COL15A1: variants seen among roughly 807,000 people sequenced by gnomAD.
COL15A1 encodes collagen type XV alpha 1 chain.
A neutral mutation model predicts 165.9 loss-of-function variants in COL15A1; 111 were observed. The observed-to-expected ratio is 0.67, with a 90% confidence interval of 0.57 to 0.78. The LOEUF is 0.78. Ranked by LOEUF, COL15A1 falls within the 30% of genes least tolerant of loss-of-function variation. The pLI, the probability that COL15A1 is intolerant of heterozygous loss-of-function variation, is 0.00. For missense variants in COL15A1, 1,745 were observed against 1,789.7 expected (o/e 0.98, Z 0.45); for synonymous variants, 659 against 674.8 (o/e 0.98, Z 0.36).
intron 2 of COL15A1, among the ~76,000 whole-genome samples, chr9:98,967,419 G>A (rs569846605): frequency 6.6e-6 from 1 of 152,300 alleles, no homozygotes; most frequent in Admixed American, 6.5e-5. Context: ...GAGTGCCCAA[G>A]CCTCTCTACA....
intron 2 of COL15A1, among the ~76,000 whole-genome samples, chr9:98,965,260 A>C (rs1359080264): frequency 6.6e-6 from 1 of 152,188 alleles, no homozygotes; most frequent in Non-Finnish European, 1.5e-5. Context: ...CTGTTGCATA[A>C]ATTTTAGTCT....
Position 99,063,046 on chromosome 9 carries a change from A to G in COL15A1, c.3592-4A>G, listed in dbSNP as rs746770969. ...ACTGTTTCTTTTCCTCCTTTTCATA[A>G]CAGCCACATCAGCTTCTGCCTCCAC... On this transcript the variant is annotated splice_polypyrimidine_tract_variant and splice_region_variant and intron_variant, in intron 38 of 41. Transcript: ENST00000375001. 6.3e-7 allele frequency: 1 copy of G among 1,595,904 alleles called. No homozygotes were observed. The highest frequency in any genetic ancestry group is 8.5e-7 in the Non-Finnish European group (1 of 1,173,916).
intron 35 of COL15A1, among the ~76,000 whole-genome samples, chr9:99,058,935 A>C (rs1050932192): frequency 2.0e-5 from 3 of 151,988 alleles, no homozygotes. Flanking sequence ...AAACACCCTT[A>C]ATTCTGCCAA....
intron 2 of COL15A1, among the ~76,000 whole-genome samples, chr9:98,976,534 G>C (rs1331556119): frequency 6.6e-6 from 1 of 152,222 alleles, no homozygotes; most frequent in Non-Finnish European, 1.5e-5. Flanking sequence ...GTGGAGATGG[G>C]AGGGAACGTG....
intron 2 of COL15A1, among the ~76,000 whole-genome samples, chr9:98,971,574 G>T (rs1394316456): frequency 6.6e-6 from 1 of 152,150 alleles, no homozygotes; most frequent in Non-Finnish European, 1.5e-5. Flanking sequence ...GGTCCCTGGG[G>T]TGGCTTTGTG....
rs148563895 is a variant in COL15A1 at position 99,054,199 on chromosome 9, A to C, written c.2951-377A>C. Among the ~76,000 whole-genome samples, 1,126 of 152,286 alleles carry C rather than the reference A, an allele frequency of 7.4e-3. 12 individuals carry two copies. The highest frequency in any genetic ancestry group is 0.026 in the African/African-American group (1,080 of 41,544). On this transcript the variant is annotated intron_variant, in intron 31 of 41. Coordinates refer to ENST00000375001, the MANE Select transcript of COL15A1 (RefSeq NM_001855.5). ...CCCATGCTACACAGGCCTAGATGAGATGAGTCTGGAAGATTGACATGGTGC... is the reference window on the plus strand; with the variant it reads ...CCCATGCTACACAGGCCTAGATGAGCTGAGTCTGGAAGATTGACATGGTGC...
rs893676184 is a variant in COL15A1, at chr9:99,056,520, C to T, written c.3337+116C>T. 76 of 1,392,376 alleles carry T rather than the reference C, an allele frequency of 5.5e-5. No homozygotes were observed. In the East Asian group the frequency reaches 1.5e-3, roughly 27 times the overall value. The allele number at this position is 1,392,376 out of a possible 1,614,324, so 86.3% of individuals were successfully genotyped here. On this transcript the variant is annotated intron_variant, in intron 35 of 41. Coordinates refer to ENST00000375001, the MANE Select transcript of COL15A1 (RefSeq NM_001855.5). ...CCTAACAGAGGGCTTTCCTGGATAC[C>T]GCCTTCTTTCTTTTTTTTTTAATTG...
At chr9:99,050,288 C>T (rs1255367190) in intron 30 of COL15A1, among the ~76,000 whole-genome samples, 1 of 152,202 alleles carries the variant, frequency 6.6e-6, no homozygotes, top group East Asian at 1.9e-4. Context: ...ACTATGCTGC[C>T]CTTTCCCAGT....
At chr9:99,032,255 C>T (rs180676918) in intron 16 of COL15A1, among the ~76,000 whole-genome samples, 4 of 151,972 alleles carry the variant, frequency 2.6e-5, no homozygotes, top group African/African-American at 7.2e-5. Context: ...CGCAGTGGTG[C>T]GATCTTGGCT....
At chr9:99,053,364 G>A (rs1825656998) in intron 31 of COL15A1, among the ~76,000 whole-genome samples, 1 of 152,242 alleles carries the variant, frequency 6.6e-6, no homozygotes, top group African/African-American at 2.4e-5. Context: ...CTTAGATTCA[G>A]TTCAAGGCTC....
At chr9:98,959,254 A>T (rs547929589) in intron 2 of COL15A1, among the ~76,000 whole-genome samples, 2 of 151,466 alleles carry the variant, frequency 1.3e-5, no homozygotes, top group East Asian at 3.9e-4. Context: ...AAAACTAAAA[A>T]CTAAAATGAT....
intron 2 of COL15A1, among the ~76,000 whole-genome samples, chr9:98,978,613 G>T (rs900420696): frequency 1.4e-4 from 22 of 152,138 alleles, no homozygotes; most frequent in Non-Finnish European, 3.2e-4. Context: ...GGGATGTGTG[G>T]TTTTCTTTGT....
At position 99,022,117 on chromosome 9, in the gene COL15A1, C is replaced by G; in HGVS notation, c.1728C>G (p.Gly576=). 2 of 1,614,134 alleles carry G rather than the reference C, an allele frequency of 1.2e-6. No individual in the cohort carries two copies. Among genetic ancestry groups the G allele is most frequent in the Non-Finnish European group, 1.7e-6 (2 of 1,180,002 alleles). The change falls in exon 13 of 42, where the codon GGC becomes GGG. Residue 576 remains glycine (G), a synonymous_variant. Transcript: ENST00000375001. The part of the protein sequence containing the change: ...EKGDAGEELP[G]PPEPSGPVGP... The stretch of plus-strand genomic sequence containing the variant: ...GTGATGCTGGGGAGGAGCTTCCTGG[C>G]CCTCCTGAACCTTCTGGGCCTGTTG...
intron 2 of COL15A1, among the ~76,000 whole-genome samples, chr9:98,962,937 A>G (rs74332247): frequency 0.02 from 3,055 of 152,326 alleles, 87 homozygotes; most frequent in African/African-American, 0.071. Context: ...CAGGTGCTCA[A>G]TAAATGCTTC....
intron 2 of COL15A1, among the ~76,000 whole-genome samples, chr9:98,981,633 G>T (rs556751869): frequency 6.6e-6 from 1 of 152,160 alleles, no homozygotes; most frequent in African/African-American, 2.4e-5. Context: ...TTAGAAACAC[G>T]TATCGAGTGG....
chr9:99,038,480 G>A (rs1166889333), intron 21 of COL15A1, among the ~76,000 whole-genome samples, 188 bp from the exon 22 acceptor site: 2 of 152,242 alleles, frequency 1.3e-5, no homozygotes, highest in Non-Finnish European at 2.9e-5. Flanking sequence ...GGAGGAAAGT[G>A]CGAAGGCAGC....
intron 19 of COL15A1, 52 bp downstream of exon 19, chr9:99,035,470 C>T: frequency 6.2e-7 from 1 of 1,609,552 alleles, no homozygotes; most frequent in South Asian, 1.1e-5. Context: ...TGTCACACTA[C>T]AGTGAGGAAG....
intron 12 of COL15A1, among the ~76,000 whole-genome samples, chr9:99,020,882 A>G (rs1052739602): frequency 2.0e-5 from 3 of 152,216 alleles, no homozygotes; most frequent in African/African-American, 7.2e-5. Flanking sequence ...GGATCTCCCG[A>G]AAGTTCTTTA....
intron 36 of COL15A1, among the ~76,000 whole-genome samples, chr9:99,060,721 A>G (rs1222212184): frequency 6.6e-6 from 1 of 152,094 alleles, no homozygotes; most frequent in Non-Finnish European, 1.5e-5. Context: ...TCCTGCCTCT[A>G]CAGAAAAATG....
Sources: gnomAD v4.1 joint callset for allele counts (sites outside exome capture counted in the v4.1 genomes callset) on GRCh38, gnomAD v4.1.1 for gene constraint, MANE v1.5 for transcripts, NCBI Gene and HGNC (gene_info 2026-07-23, HGNC 2026-07-21) for gene names.